Variants in GPHN observed in about 807,000 individuals in gnomAD.
GPHN encodes the protein gephyrin.
In GPHN, 17 loss-of-function variants were observed where a neutral mutation model predicts 95.5. The ratio of observed to expected loss-of-function variants is 0.18; its 90% CI spans 0.12 to 0.27. The LOEUF (loss-of-function observed/expected upper bound fraction) is 0.27. GPHN is among the 10% of genes least tolerant of loss of function. The pLI is 1.00. For missense variants in GPHN, 660 were observed against 978.1 expected (o/e 0.67, Z 4.34); for synonymous variants, 320 against 322.5 (o/e 0.99, Z 0.08).
the GPHN span, chr14:67,382,531 A>C: frequency 6.2e-7 from 1 of 1,613,952 alleles, no homozygotes; most frequent in Non-Finnish European, 8.5e-7. Flanking sequence ...CAGTCAAGCT[A>C]TGGCTGTTAT....
At chr14:67,315,380 CCTT>C in the GPHN span, among the ~76,000 whole-genome samples, 158 of 149,626 alleles carry the variant, frequency 1.1e-3, no homozygotes, top group African/African-American at 3.7e-3. Flanking sequence ...GGGCTCATGC[CCTT>C]CTTCTCTCTC....
intron 18 of GPHN, among the ~76,000 whole-genome samples, chr14:67,146,466 A>C (rs2080902993): frequency 6.6e-6 from 1 of 152,214 alleles, no homozygotes; most frequent in Non-Finnish European, 1.5e-5. Flanking sequence ...AAAATTATTA[A>C]ATAACTCAAA....
At chr14:67,239,142 G>A in the GPHN span, among the ~76,000 whole-genome samples, 36 of 152,254 alleles carry the variant, frequency 2.4e-4, no homozygotes, top group African/African-American at 8.2e-4. Flanking sequence ...GGTACTTGGC[G>A]GGTTCATTTG....
At chr14:66,593,015 G>A (rs934664419) in intron 1 of GPHN, among the ~76,000 whole-genome samples, 2 of 152,142 alleles carry the variant, frequency 1.3e-5, no homozygotes, top group Admixed American at 6.5e-5. Context: ...GGATGAAGCT[G>A]GAAACTATCA....
chr14:66,539,083 A>G (rs1566566020), intron 1 of GPHN, among the ~76,000 whole-genome samples: 1 of 152,180 alleles, frequency 6.6e-6, no homozygotes, highest in Admixed American at 6.5e-5. Flanking sequence ...TCTTCTCCAC[A>G]GCCCTGAAAG....
At chr14:66,683,596 G>T (rs982654638) in intron 2 of GPHN, among the ~76,000 whole-genome samples, 3 of 139,128 alleles carry the variant, frequency 2.2e-5, no homozygotes, top group Non-Finnish European at 4.6e-5. Context: ...ATTGATTCAG[G>T]TATACTAGAT....
chr14:67,174,344 C>A (rs1007911251), intron 21 of GPHN, among the ~76,000 whole-genome samples: 9 of 150,522 alleles, frequency 6.0e-5, no homozygotes, highest in African/African-American at 2.2e-4. Flanking sequence ...GGTTTTCTGT[C>A]CTTGTGCTAG....
intron 1 of GPHN, among the ~76,000 whole-genome samples, chr14:66,629,241 A>ATATTTATATACGTATATAAATATGT (rs1566729731): frequency 2.0e-5 from 3 of 146,568 alleles, no homozygotes; most frequent in Admixed American, 6.9e-5. Context: ...ATATAAATAT[A>ATATTTATATACGTATATAAATATGT]AAACACACGT....
chr14:66,694,467 A>G (rs573160819), intron 2 of GPHN, among the ~76,000 whole-genome samples: 1 of 152,372 alleles, frequency 6.6e-6, no homozygotes, highest in Admixed American at 6.5e-5. Flanking sequence ...ACAATGGAGC[A>G]AAGATAGTTT....
chr14:67,632,807 A>ATT, the GPHN span, among the ~76,000 whole-genome samples: 1 of 113,770 alleles, frequency 8.8e-6, no homozygotes, highest in African/African-American at 3.3e-5. Context: ...TAAGCCTCTT[A>ATT]ATTTTTTTTT....
In GPHN at chr14:67,122,368, T is replaced by C. The variant is rs752190801; in HGVS notation, c.1739T>C (p.Val580Ala). Reference sequence around the variant, plus strand: ...TACCCCACGATCAACTTGGGTATTGTAGGAGACAAGTAAGTATTTGATGTC... The same window carrying C: ...TACCCCACGATCAACTTGGGTATTGCAGGAGACAAGTAAGTATTTGATGTC... ...HGYPTINLGI[V>A]GDNPDDLLNA... is the part of the protein sequence containing the mutation. The change falls in exon 17 of 23, where the codon GTA (valine) becomes GCA (alanine). Residue 580 changes from valine to alanine, a missense_variant. Val to Ala is a moderately conservative substitution (Grantham distance 64, BLOSUM62 0). Around this residue, in one of 6 missense-constraint regions of GPHN, gnomAD observed 257 missense variants for 376.2 expected, o/e 0.68. Coordinates refer to ENST00000478722, the MANE Select transcript of GPHN (RefSeq NM_020806.5). 7 of 1,612,898 alleles carry C rather than the reference T, an allele frequency of 4.3e-6. No individual in the cohort carries two copies. In the Admixed American group the frequency reaches 1.0e-4, roughly 23 times the overall value.
At chr14:66,586,422 C>G (rs2061422970) in intron 1 of GPHN, among the ~76,000 whole-genome samples, 1 of 152,234 alleles carries the variant, frequency 6.6e-6, no homozygotes, top group South Asian at 2.1e-4. Context: ...GAATTTGATC[C>G]TGTCATTATG....
intron 1 of GPHN, among the ~76,000 whole-genome samples, chr14:66,663,696 G>T (rs2065787573): frequency 5.3e-5 from 8 of 152,170 alleles, no homozygotes. Flanking sequence ...TGGCCAGCTG[G>T]ATAAAGAAAC....
At chr14:66,572,314 A>G (rs1421636091) in intron 1 of GPHN, among the ~76,000 whole-genome samples, 1 of 152,230 alleles carries the variant, frequency 6.6e-6, no homozygotes, top group Non-Finnish European at 1.5e-5. Flanking sequence ...GACAGTGGTT[A>G]CGTTGAATCT....
At chr14:67,298,359 A>C in the GPHN span, among the ~76,000 whole-genome samples, 1 of 151,892 alleles carries the variant, frequency 6.6e-6, no homozygotes, top group Non-Finnish European at 1.5e-5. Context: ...ACTAAAAATA[A>C]AAAAAACTAG....
At chr14:67,138,628 G>C (rs904829568) in intron 17 of GPHN, among the ~76,000 whole-genome samples, 3 of 152,080 alleles carry the variant, frequency 2.0e-5, no homozygotes, top group Non-Finnish European at 4.4e-5. Context: ...CTGAGCGATG[G>C]ATACATGGGT....
the GPHN span, chr14:67,663,304 G>A: frequency 9.0e-6 from 6 of 665,746 alleles, no homozygotes; most frequent in East Asian, 1.8e-4. Context: ...TCTAAAATAT[G>A]ATAGCAAGTT....
the GPHN span, among the ~76,000 whole-genome samples, chr14:67,218,398 T>G: frequency 6.6e-6 from 1 of 152,178 alleles, no homozygotes; most frequent in Non-Finnish European, 1.5e-5. Context: ...TTCTCAAATC[T>G]GGAACACAAG....
chr14:67,161,396 A>G (rs2081973660), intron 19 of GPHN, among the ~76,000 whole-genome samples: 1 of 151,182 alleles, frequency 6.6e-6, no homozygotes, highest in Non-Finnish European at 1.5e-5. Flanking sequence ...TTCTGAGCCC[A>G]TGGGCAGTAC....
Sources: allele counts gnomAD v4.1 joint callset (sites outside exome capture counted in the v4.1 genomes callset), GRCh38; gene constraint gnomAD v4.1.1; regional missense constraint gnomAD v4.1.1; transcripts MANE v1.5; gene names NCBI Gene and HGNC (gene_info 2026-07-23, HGNC 2026-07-21).